PLEC: variants seen among roughly 807,000 people sequenced by gnomAD.
The protein encoded by PLEC is plectin, also known as hemidesmosomal protein 1.
A neutral mutation model predicts 392.8 loss-of-function variants in PLEC; 216 were observed. That is an observed-to-expected ratio of 0.55 (90% CI 0.49 to 0.62). The LOEUF (loss-of-function observed/expected upper bound fraction) is 0.62, where lower values mean the gene tolerates loss of function less well. Ranked by LOEUF, PLEC falls within the 20% of genes least tolerant of loss-of-function variation. The pLI, the probability that PLEC is intolerant of heterozygous loss-of-function variation, is 0.00. For synonymous variants in PLEC, 3,621 were observed against 2,980.6 expected (o/e 1.21, Z -7.00); for missense variants, 6,863 against 6,563.4 (o/e 1.05, Z -1.58).
Position 143,930,425 on chromosome 8 carries a change from G to T in PLEC, c.2416C>A (p.Arg806Ser). 6.4e-7 allele frequency: 1 copy of T among 1,572,350 alleles called. No individual in the cohort carries two copies. The highest frequency in any genetic ancestry group is 2.3e-5 in the East Asian group (1 of 42,564). ...TCGCACACGGCCAGCAGGGGCAGGC[G>T]GCCCCGCATGGGGTGGGCTGGGTGG... ...PRHPAHPMRG[R>S]LPLLAVCDYK... The change falls in exon 20 of 32, where the codon CGC becomes AGC. Residue 806 changes from arginine to serine, a missense_variant. Arg to Ser is a moderately radical substitution (Grantham distance 110). Transcript: ENST00000345136.
At chr8:143,935,400 C>T (rs550796763) in intron 6 of PLEC, 87 bp from the exon 7 acceptor site, 26 of 882,800 alleles carry the variant, frequency 2.9e-5, no homozygotes, top group Non-Finnish European at 4.6e-5. Context: ...GCTCCTCACA[C>T]ATCCCAGCAA....
At position 143,922,584 on chromosome 8, in the gene PLEC, G is replaced by A. The variant is rs571406033; in HGVS notation, c.7345C>T (p.Arg2449Trp). The change falls in exon 31 of 32, where the codon CGG becomes TGG. Residue 2449 changes from arginine to tryptophan, a missense_variant. Physicochemically the swap from Arg to Trp is moderately radical, Grantham distance 101. Transcript: ENST00000345136. ...QQSDHDAERL[R>W]EAIAELEREK... is the part of the protein sequence containing the mutation. ...CGCTCCAGCTCAGCGATGGCCTCCC[G>A]CAGGCGCTCGGCATCATGGTCACTC... is the stretch of plus-strand genomic sequence containing the variant. The A allele has an allele frequency of 2.5e-5, 40 of 1,613,554 alleles. No individual in the cohort carries two copies. Among genetic ancestry groups the A allele is most frequent in the Non-Finnish European group, 2.9e-5 (34 of 1,179,950 alleles).
intron 1 of PLEC, among the ~76,000 whole-genome samples, chr8:143,971,159 G>A (rs970991828): frequency 6.6e-6 from 1 of 152,174 alleles, no homozygotes; most frequent in Admixed American, 6.5e-5. Context: ...GGGGTGGGGG[G>A]TGAAGGTCAC....
intron 19 of PLEC, 79 bp downstream of exon 19, chr8:143,931,455 C>G: frequency 6.7e-7 from 1 of 1,503,710 alleles, no homozygotes; most frequent in Non-Finnish European, 9.0e-7. Flanking sequence ...CCAGTTGCCC[C>G]CTAGTCTCCA....
Position 143,969,699 on chromosome 8 carries a change from C to T in PLEC, c.70+3704G>A, listed in dbSNP as rs1833316275. Among the ~76,000 whole-genome samples the T allele has an allele frequency of 6.6e-6, 1 of 151,696 alleles. No homozygotes were observed. Among genetic ancestry groups the T allele is most frequent in the East Asian group, 1.9e-4 (1 of 5,170 alleles). ...CAGGGGCCTGTCCTGGGGGTCAGGG[C>T]ATGAGTGCAGGCCGGGGAGTGGGGA... On this transcript the variant is annotated intron_variant, in intron 1 of 31. Coordinates refer to the PLEC transcript ENST00000356346. This position sits in a 1 kb window ranked among gnomAD's most constrained non-coding sequence, Gnocchi z 5.1.
Position 143,919,647 on chromosome 8 carries a change from G to A in PLEC, c.10174C>T (p.Gln3392Ter). ...TCCACCAGGAAGCCAGTGGCCGCCT[G>A]CGCCTCCAGCAGGAGCGCAGCCGTT... is the stretch of plus-strand genomic sequence containing the variant. The part of the protein sequence containing the change: ...ATTAALLLEA[Q>*]AATGFLVDPV... The change falls in exon 32 of 32, where the codon CAG (glutamine) becomes TAG (stop). Residue 3392 changes from glutamine to a stop codon, truncating the protein, a stop_gained. Transcript: ENST00000345136. LOFTEE classifies it high-confidence loss of function. 1 of 1,587,892 alleles carries A rather than the reference G, an allele frequency of 6.3e-7. No homozygotes were observed. Among genetic ancestry groups the A allele is most frequent in the Non-Finnish European group, 8.5e-7 (1 of 1,170,032 alleles).
Position 143,927,844 on chromosome 8 carries a change from G to A in PLEC, c.3399+10C>T, listed in dbSNP as rs782596342. 160 of 1,590,856 alleles carry A rather than the reference G, an allele frequency of 1.0e-4. No homozygotes were observed. Among genetic ancestry groups the A allele is most frequent in the Non-Finnish European group, 1.2e-4 (141 of 1,169,302 alleles). ...CACCCCGCCATGAAGCCCAAGCCTCGAAACGATACCTTCAGAGAGGCCTTG... is the reference window on the plus strand; with the variant it reads ...CACCCCGCCATGAAGCCCAAGCCTCAAAACGATACCTTCAGAGAGGCCTTG... On this transcript the variant is annotated intron_variant, in intron 26 of 31. Transcript: ENST00000345136.
In PLEC at chr8:143,921,107, A is replaced by G; in HGVS notation, c.8714T>C (p.Phe2905Ser). ...CGGCGCAGACACGGTGGCCTTCTCA[A>G]AGACGTCCCGGGCCTCGGAGTCAGT... ...VYTDSEARDV[F>S]EKATVSAPFG... The change falls in exon 32 of 32, where the codon TTT becomes TCT. Residue 2905 changes from phenylalanine to serine, a missense_variant. Phe to Ser is a radical substitution (Grantham distance 155, BLOSUM62 -2). Coordinates refer to ENST00000345136, the MANE Select transcript of PLEC (RefSeq NM_201384.3). 1 of 1,612,260 alleles carries G rather than the reference A, an allele frequency of 6.2e-7. No individual in the cohort carries two copies. Among genetic ancestry groups the G allele is most frequent in the Middle Eastern group, 1.6e-4 (1 of 6,062 alleles).
chr8:143,954,315 C>G (rs1472916316), upstream of PLEC, among the ~76,000 whole-genome samples: 1 of 143,462 alleles, frequency 7.0e-6, no homozygotes, highest in East Asian at 1.9e-4. The surrounding 1 kb of genome is among the most constrained non-coding windows in gnomAD (Gnocchi z 4.6). Context: ...ACCTCCCCGG[C>G]CCCAGCAGTG....
Position 143,924,875 on chromosome 8 carries a change from C to A in PLEC, c.5054G>T (p.Arg1685Leu), listed in dbSNP as rs782726656. Residue 1685 changes from arginine to leucine, a missense_variant, in exon 31 of 32, where the codon CGG becomes CTG. Coordinates refer to ENST00000345136, the MANE Select transcript of PLEC (RefSeq NM_201384.3). ...CTCTTGTTCAGCCAGCTCCCGCTGC[C>A]GGACGGCCTGCTCCTCCGCCTTGCC... The part of the protein sequence containing the change: ...RRGKAEEQAV[R>L]QRELAEQELE... The A allele has an allele frequency of 6.3e-7, 1 of 1,588,720 alleles. No homozygotes were observed. The highest frequency in any genetic ancestry group is 2.3e-5 in the East Asian group (1 of 44,308).
chr8:143,941,771 G>C (rs1830506016), upstream of PLEC, among the ~76,000 whole-genome samples: 1 of 145,920 alleles, frequency 6.9e-6, no homozygotes, highest in African/African-American at 2.5e-5. Flanking sequence ...TACAGCTGCA[G>C]CTCAGCTGGC....
In PLEC at chr8:143,917,515, C is replaced by T. The variant is rs782767790; in HGVS notation, c.12306G>A (p.Leu4102=). 11 of 1,613,858 alleles carry T rather than the reference C, an allele frequency of 6.8e-6. No individual in the cohort carries two copies. The East Asian group carries it at 2.0e-4, about 29-fold the overall frequency. The change falls in exon 32 of 32, where the codon CTG becomes CTA. Residue 4102 remains leucine, a synonymous_variant. Coordinates refer to ENST00000345136, the MANE Select transcript of PLEC (RefSeq NM_201384.3). The part of the protein sequence containing the change: ...DPNTEENLTY[L]QLMERCITDP... ...CAGTGATACAACGCTCCATCAGCTGCAGGTAGGTGAGGTTCTCCTCCGTGT... is the reference window on the plus strand; with the variant it reads ...CAGTGATACAACGCTCCATCAGCTGTAGGTAGGTGAGGTTCTCCTCCGTGT...
At chr8:143,973,561 G>GCCGCCCCCGCC (rs531427488), upstream of PLEC, 189 of 1,042,204 alleles carry the variant, frequency 1.8e-4, no homozygotes, top group South Asian at 5.4e-4. The surrounding 1 kb of genome is among the most constrained non-coding windows in gnomAD (Gnocchi z 5.6). Context: ...GCTTAAAGAG[G>GCCGCCCCCGCC]CCGCCCCCGC....
At chr8:143,935,798 G>T in intron 6 of PLEC, 50 bp downstream of exon 6, 1 of 1,597,268 alleles carries the variant, frequency 6.3e-7, no homozygotes, top group Non-Finnish European at 8.6e-7. Context: ...TAGTGGAGGC[G>T]CTGTGGGGGT....
At chr8:143,932,256 T>G in intron 16 of PLEC, 22 bp from the exon 17 acceptor site, 1 of 1,611,232 alleles carries the variant, frequency 6.2e-7, no homozygotes, top group South Asian at 1.1e-5. Context: ...GCAAAGGGTC[T>G]CAGGGACGGC....
At chr8:143,940,180 C>G (rs1046886949), upstream of PLEC, among the ~76,000 whole-genome samples, 3 of 152,222 alleles carry the variant, frequency 2.0e-5, no homozygotes, top group Non-Finnish European at 4.4e-5. Flanking sequence ...AGTGGGGTCC[C>G]ACCCCAGGCC....
intron 30 of PLEC, among the ~76,000 whole-genome samples, chr8:143,926,476 G>A (rs1364482414): frequency 6.6e-6 from 1 of 152,224 alleles, no homozygotes; most frequent in African/African-American, 2.4e-5. Context: ...GAGCGGAAAG[G>A]CCAACGCAGA....
At chr8:143,939,649 C>A, upstream of PLEC, 1 of 1,419,254 alleles carries the variant, frequency 7.0e-7, no homozygotes, top group African/African-American at 1.5e-5. Context: ...GGCCGGCCCG[C>A]CCCCGAGGCC....
chr8:143,943,159 C>T (rs1396093440), upstream of PLEC, among the ~76,000 whole-genome samples: 4 of 152,230 alleles, frequency 2.6e-5, no homozygotes, highest in South Asian at 6.2e-4. Flanking sequence ...AGCCAGGCAG[C>T]GCCCTCACTG....
Sources: gnomAD v4.1 joint callset for allele counts (sites outside exome capture counted in the v4.1 genomes callset) on GRCh38, gnomAD v4.1.1 for gene constraint, Gnocchi (gnomAD v3.1) non-coding constraint, MANE v1.5 for transcripts, NCBI Gene and HGNC (gene_info 2026-07-23, HGNC 2026-07-21) for gene names.